Variants in SOCS2 observed in about 807,000 individuals in gnomAD.
SOCS2 encodes the protein CIS-2.
Under a neutral mutation model 18.6 loss-of-function variants are expected in SOCS2, and 10 were observed. The ratio of observed to expected loss-of-function variants is 0.54; its 90% confidence interval spans 0.33 to 0.91. The LOEUF (loss-of-function observed/expected upper bound fraction) is 0.91, where lower values mean the gene tolerates loss of function less well. Among genes scored for constraint, SOCS2 ranks in the 40% least tolerant of loss-of-function variants. The probability of loss-of-function intolerance (pLI) is 0.02; values close to 1 mark genes in which losing one functional copy is unlikely to be tolerated. For missense variants in SOCS2, 231 were observed against 247.2 expected, an observed-to-expected ratio of 0.93 and a Z score of 0.44; for synonymous variants, 104 against 104.0, an observed-to-expected ratio of 1.00 and a Z score of 0.00.
the SOCS2 span, among the ~76,000 whole-genome samples, chr12:93,605,683 G>T: frequency 3.3e-5 from 5 of 152,314 alleles, no homozygotes; most frequent in Admixed American, 3.3e-4. Context: ...TCTATGGTAT[G>T]AATATCACTT....
Position 93,574,716 on chromosome 12 carries a change from C to A in SOCS2, c.140-6C>A, listed in dbSNP as rs774154101. On this transcript the variant is annotated splice_polypyrimidine_tract_variant and splice_region_variant and intron_variant, in intron 1 of 1. Coordinates refer to ENST00000551556, the MANE Select transcript of SOCS2 (RefSeq NM_001270471.2). ...TTTTCTTTTTCTTTTTGAACAAAAA[C>A]CCCAGGATGGTACTGGGGAAGTATG... 6.3e-7 allele frequency: 1 copy of A among 1,581,028 alleles called. No individual in the cohort carries two copies. The highest frequency in any genetic ancestry group is 1.2e-5 in the South Asian group (1 of 85,828).
the SOCS2 span, among the ~76,000 whole-genome samples, chr12:93,611,886 A>G: frequency 6.6e-6 from 1 of 152,026 alleles, no homozygotes; most frequent in Non-Finnish European, 1.5e-5. Context: ...ATCTATCACA[A>G]AGGAGGCCTC....
chr12:93,581,856 C>T (rs1954545167), intron 1 of SOCS2, among the ~76,000 whole-genome samples: 1 of 152,168 alleles, frequency 6.6e-6, no homozygotes, highest in Admixed American at 6.5e-5. Flanking sequence ...TAATATATCC[C>T]ATTACCCTGC....
At chr12:93,614,482 T>TTC in the SOCS2 span, among the ~76,000 whole-genome samples, 24 of 20,332 alleles carry the variant, frequency 1.2e-3, no homozygotes, top group South Asian at 4.3e-3. Flanking sequence ...TTCCTTCCTT[T>TTC]CCTTCCTTCC....
the SOCS2 span, among the ~76,000 whole-genome samples, chr12:93,604,105 G>T: frequency 1.3e-4 from 19 of 151,910 alleles, no homozygotes; most frequent in Non-Finnish European, 2.6e-4. Context: ...CCTCTTCCTG[G>T]TGAGTCCTCA....
At chr12:93,589,166 T>A in the SOCS2 span, among the ~76,000 whole-genome samples, 1 of 152,248 alleles carries the variant, frequency 6.6e-6, no homozygotes, top group Non-Finnish European at 1.5e-5. Flanking sequence ...TTTAGTGTTA[T>A]CTTCTCCAGC....
the SOCS2 span, among the ~76,000 whole-genome samples, chr12:93,609,839 A>C: frequency 1.3e-5 from 2 of 152,180 alleles, no homozygotes; most frequent in South Asian, 2.1e-4. Flanking sequence ...AAGAAAAGAA[A>C]TTTATTTCTC....
chr12:93,625,254 ATC>A, the SOCS2 span, among the ~76,000 whole-genome samples: 3 of 151,804 alleles, frequency 2.0e-5, no homozygotes, highest in Non-Finnish European at 4.4e-5. Flanking sequence ...TACACACACA[ATC>A]TCTCTCTGTC....
chr12:93,600,955 A>AT, the SOCS2 span, among the ~76,000 whole-genome samples: 314 of 151,072 alleles, frequency 2.1e-3, 2 homozygotes, highest in African/African-American at 7.4e-3. Flanking sequence ...CACCTGACTA[A>AT]TTTTTTTAAA....
downstream of SOCS2, among the ~76,000 whole-genome samples, chr12:93,587,834 T>C (rs1268458074): frequency 6.6e-6 from 1 of 152,180 alleles, no homozygotes; most frequent in East Asian, 1.9e-4. Context: ...GGAAACCAAC[T>C]AGGAGATAAC....
At chr12:93,577,291 G>T (rs148539883), downstream of SOCS2, among the ~76,000 whole-genome samples, 6 of 152,280 alleles carry the variant, frequency 3.9e-5, no homozygotes, top group African/African-American at 1.4e-4. Flanking sequence ...CTTCCATATT[G>T]CAAGTAGGTT....
chr12:93,609,327 G>C, the SOCS2 span, among the ~76,000 whole-genome samples: 2 of 152,128 alleles, frequency 1.3e-5, no homozygotes, highest in South Asian at 4.1e-4. Flanking sequence ...GGGAGACAGA[G>C]GTTGGGGTGA....
At chr12:93,610,316 G>T in the SOCS2 span, among the ~76,000 whole-genome samples, 1 of 152,182 alleles carries the variant, frequency 6.6e-6, no homozygotes, top group East Asian at 1.9e-4. Flanking sequence ...CCTCAGTCCC[G>T]GGCTAACCTG....
chr12:93,600,239 C>A, the SOCS2 span, among the ~76,000 whole-genome samples: 1 of 152,114 alleles, frequency 6.6e-6, no homozygotes, highest in Non-Finnish European at 1.5e-5. Flanking sequence ...ATTGAACAGT[C>A]TTTTCCTTTC....
chr12:93,573,496 C>T, intron 1 of SOCS2: 1 of 290,794 alleles, frequency 3.4e-6, no homozygotes, highest in Non-Finnish European at 6.3e-6. Flanking sequence ...ACTGACACTG[C>T]CGCGAGGGCG....
the SOCS2 span, among the ~76,000 whole-genome samples, chr12:93,608,127 A>G: frequency 6.6e-6 from 1 of 150,530 alleles, no homozygotes; most frequent in Non-Finnish European, 1.5e-5. Context: ...CAAACTCCTC[A>G]AACTCCATGT....
At chr12:93,585,003 T>G (rs886080329), downstream of SOCS2, among the ~76,000 whole-genome samples, 6 of 152,180 alleles carry the variant, frequency 3.9e-5, no homozygotes, top group African/African-American at 9.7e-5. Flanking sequence ...CCTCAGGTGA[T>G]TCACCTGTCT....
chr12:93,615,531 T>C, the SOCS2 span, among the ~76,000 whole-genome samples: 1 of 152,200 alleles, frequency 6.6e-6, no homozygotes, highest in African/African-American at 2.4e-5. Flanking sequence ...GGTATTCTCC[T>C]CTGAGAAGTG....
intron 1 of SOCS2, chr12:93,573,714 G>T (rs555275965): frequency 6.6e-6 from 1 of 152,372 alleles, no homozygotes; most frequent in Non-Finnish European, 1.5e-5. Context: ...AAAGCTTACA[G>T]TTGTGGCACA....
Sources: gnomAD v4.1 joint callset for allele counts (sites outside exome capture counted in the v4.1 genomes callset) on GRCh38, gnomAD v4.1.1 for gene constraint, MANE v1.5 for transcripts, NCBI Gene and HGNC (gene_info 2026-07-23, HGNC 2026-07-21) for gene names.